The following PCOLCE2 variants were observed in gnomAD, a reference collection of about 807,000 sequenced individuals.
PCOLCE2 encodes the protein procollagen C-endopeptidase enhancer 2.
Under a neutral mutation model 47.0 loss-of-function variants are expected in PCOLCE2, and 42 were observed. The ratio of observed to expected loss-of-function variants is 0.89; its 90% CI spans 0.70 to 1.16. The LOEUF is 1.16. Among genes scored for constraint, PCOLCE2 ranks in the 50% most tolerant of loss-of-function variants. The probability of loss-of-function intolerance (pLI) is 0.00; values close to 1 mark genes in which losing one functional copy is unlikely to be tolerated. For synonymous variants in PCOLCE2, 169 were observed against 191.7 expected, an observed-to-expected ratio of 0.88 and a Z score of 0.98; for missense variants, 500 against 526.1, an observed-to-expected ratio of 0.95 and a Z score of 0.49.
intron 2 of PCOLCE2, among the ~76,000 whole-genome samples, chr3:142,856,717 C>T (rs1009692267): frequency 2.6e-5 from 4 of 152,182 alleles, no homozygotes; most frequent in Admixed American, 6.5e-5. Flanking sequence ...ACGTTGAAAA[C>T]GAAGAGTATT....
At chr3:142,819,826 T>C (rs1936992004) in intron 8 of PCOLCE2, among the ~76,000 whole-genome samples, 1 of 152,060 alleles carries the variant, frequency 6.6e-6, no homozygotes, top group Admixed American at 6.6e-5. Flanking sequence ...TTTTTATTTT[T>C]AGTAGAGCAG....
chr3:142,871,637 C>G (rs1399495246), intron 2 of PCOLCE2, among the ~76,000 whole-genome samples: 1 of 152,158 alleles, frequency 6.6e-6, no homozygotes, highest in Non-Finnish European at 1.5e-5. Context: ...TGAGGTTTCC[C>G]TGAGGAAGAA....
chr3:142,856,997 C>G (rs1442875796), intron 2 of PCOLCE2, among the ~76,000 whole-genome samples: 1 of 151,636 alleles, frequency 6.6e-6, no homozygotes, highest in Non-Finnish European at 1.5e-5. Flanking sequence ...ACACACGGAG[C>G]AATAAATTTC....
chr3:142,819,418 G>C (rs1047333968), intron 8 of PCOLCE2, among the ~76,000 whole-genome samples: 1 of 152,168 alleles, frequency 6.6e-6, no homozygotes, highest in Non-Finnish European at 1.5e-5. Flanking sequence ...AGTGGTCTGT[G>C]AGAGCCTGAG....
chr3:142,848,092 G>T, intron 3 of PCOLCE2, 125 bp downstream of exon 3: 2 of 904,060 alleles, frequency 2.2e-6, no homozygotes, highest in South Asian at 1.7e-5. Context: ...GTCTCATCAT[G>T]GTTTGATGGC....
chr3:142,825,624 ATCAC>A (rs1429879421), intron 6 of PCOLCE2, among the ~76,000 whole-genome samples: 3 of 152,026 alleles, frequency 2.0e-5, no homozygotes, highest in African/African-American at 7.2e-5. Context: ...TATTTATTTA[ATCAC>A]TCTATGACTA....
chr3:142,827,815 C>A, intron 6 of PCOLCE2: 1 of 577,368 alleles, frequency 1.7e-6, no homozygotes, highest in Non-Finnish European at 3.1e-6. Context: ...TGGAAAATCT[C>A]ACGGACACCT....
At chr3:142,839,024 T>A in intron 4 of PCOLCE2, 118 bp from the exon 5 acceptor site, 1 of 741,100 alleles carries the variant, frequency 1.3e-6, no homozygotes, top group Non-Finnish European at 2.2e-6. Context: ...GTAAAAAAAG[T>A]ATGCATTAAG....
intron 5 of PCOLCE2, among the ~76,000 whole-genome samples, chr3:142,835,088 C>A (rs2108190369): frequency 6.6e-6 from 1 of 151,578 alleles, no homozygotes; most frequent in East Asian, 2.0e-4. Context: ...TAGACCAAGC[C>A]TGTTCATTGT....
chr3:142,871,869 C>T (rs1337325849), intron 2 of PCOLCE2, among the ~76,000 whole-genome samples: 2 of 152,068 alleles, frequency 1.3e-5, no homozygotes, highest in African/African-American at 4.8e-5. Context: ...TATACATATA[C>T]ATAAACATTT....
At position 142,832,722 on chromosome 3, in the gene PCOLCE2, C is replaced by T. The variant is rs544364023; in HGVS notation, c.711-2876G>A. 4.4e-4 allele frequency among the ~76,000 whole-genome samples: 66 copies of T among 151,260 alleles called. No homozygotes were observed. In the South Asian group the frequency reaches 0.011, roughly 26 times the overall value. On this transcript the variant is annotated intron_variant, in intron 5 of 8. Coordinates refer to ENST00000295992, the MANE Select transcript of PCOLCE2 (RefSeq NM_013363.4). ...GTATTCCAGGTGCCCAGCACACAGC[C>T]GGGGAGGAATCAATGTTTCTGAACA...
chr3:142,887,961 A>C (rs1445355361), intron 1 of PCOLCE2, among the ~76,000 whole-genome samples, 184 bp from the exon 2 acceptor site: 3 of 152,184 alleles, frequency 2.0e-5, no homozygotes, highest in Admixed American at 2.0e-4. Flanking sequence ...TAGCCTGACA[A>C]AGCATTCAGT....
At chr3:142,821,642 C>T (rs984516058) in intron 7 of PCOLCE2, among the ~76,000 whole-genome samples, 1 of 151,822 alleles carries the variant, frequency 6.6e-6, no homozygotes, top group South Asian at 2.1e-4. Flanking sequence ...TTATCCACTC[C>T]GTTTATTTCA....
chr3:142,823,520 T>A lies in PCOLCE2; in HGVS notation c.949+12A>T. On this transcript the variant is annotated intron_variant, in intron 7 of 8. Coordinates refer to ENST00000295992, the MANE Select transcript of PCOLCE2 (RefSeq NM_013363.4). ...CTGGTTAAAGAGAAAAAGACTGGCTTTTATTTCTTACCAAAGTCACTTGAA... is the reference window on the plus strand; with the variant it reads ...CTGGTTAAAGAGAAAAAGACTGGCTATTATTTCTTACCAAAGTCACTTGAA... 6.5e-7 allele frequency: 1 copy of A among 1,545,194 alleles called. No individual in the cohort carries two copies. The highest frequency in any genetic ancestry group is 1.1e-5 in the South Asian group (1 of 88,012).
rs768915733 is a variant in PCOLCE2 at position 142,888,939 on chromosome 3, C to T, written c.-43G>A. 1.0e-5 allele frequency: 11 copies of T among 1,065,966 alleles called. No individual in the cohort carries two copies. Among genetic ancestry groups the T allele is most frequent in the Middle Eastern group, 3.0e-4 (1 of 3,366 alleles). The allele number at this position is 1,065,966 out of a possible 1,614,324, so 66.0% of individuals were successfully genotyped here. The stretch of plus-strand genomic sequence containing the variant: ...GGGTTTGCACCCCACGGCGCGCGCG[C>T]CGGCACACACGCCCCTCCGCACCCA... On this transcript the variant is annotated 5_prime_UTR_variant, in exon 1 of 9. Coordinates refer to ENST00000295992, the MANE Select transcript of PCOLCE2 (RefSeq NM_013363.4).
chr3:142,873,664 T>C (rs890339534), intron 2 of PCOLCE2, among the ~76,000 whole-genome samples: 2 of 152,194 alleles, frequency 1.3e-5, no homozygotes, highest in South Asian at 4.1e-4. Flanking sequence ...ATGATGTATC[T>C]GGAATGTTCA....
intron 5 of PCOLCE2, among the ~76,000 whole-genome samples, chr3:142,835,505 G>A (rs1036251987): frequency 2.6e-5 from 4 of 151,778 alleles, no homozygotes; most frequent in African/African-American, 7.3e-5. Context: ...ACATATAACT[G>A]GATTTTGTTT....
intron 2 of PCOLCE2, among the ~76,000 whole-genome samples, chr3:142,860,660 G>A (rs879112522): frequency 2.0e-5 from 3 of 152,082 alleles, no homozygotes; most frequent in Admixed American, 1.3e-4. Context: ...CGCCTGTCTC[G>A]GCCTCCCAAA....
At position 142,829,705 on chromosome 3, in the gene PCOLCE2, G is replaced by T. The variant is rs1391245643; in HGVS notation, c.852C>A (p.Phe284Leu). 1.3e-6 allele frequency: 2 copies of T among 1,589,212 alleles called. No homozygotes were observed. The highest frequency in any genetic ancestry group is 3.5e-5 in the Admixed American group (2 of 57,624). The change falls in exon 6 of 9, where the codon TTC (phenylalanine) becomes TTA (leucine). Residue 284 changes from phenylalanine (F) to leucine (L), a missense_variant. Phe to Leu is a conservative substitution (Grantham distance 22, BLOSUM62 0). Coordinates refer to ENST00000295992, the MANE Select transcript of PCOLCE2 (RefSeq NM_013363.4). ...TTTEQPVTTT[F>L]PVTTGLKPTV... Reference sequence around the variant, plus strand: ...AGGAAAACTTACCCGTGGTTACAGGGAATGTGGTGGTGACAGGCTGTTCTG... The same window carrying T: ...AGGAAAACTTACCCGTGGTTACAGGTAATGTGGTGGTGACAGGCTGTTCTG...
Sources: allele counts gnomAD v4.1 joint callset (sites outside exome capture counted in the v4.1 genomes callset), GRCh38; gene constraint gnomAD v4.1.1; transcripts MANE v1.5; gene names NCBI Gene and HGNC (gene_info 2026-07-23, HGNC 2026-07-21).